The following PABPC4 variants were observed in gnomAD, a reference collection of about 807,000 sequenced individuals.
The protein encoded by PABPC4 is polyadenylate-binding protein 4.
PABPC4 carries 15 observed loss-of-function variants against 74.5 expected under a neutral mutation model. The observed-to-expected ratio is 0.20, with a 90% CI of 0.13 to 0.31. PABPC4 has a LOEUF of 0.31. PABPC4 is among the 10% of genes least tolerant of loss of function. The pLI, the probability that PABPC4 is intolerant of heterozygous loss-of-function variation, is 1.00. For missense variants in PABPC4, 610 were observed against 853.5 expected, an observed-to-expected ratio of 0.71 and a Z score of 3.55; for synonymous variants, 345 against 303.0, an observed-to-expected ratio of 1.14 and a Z score of -1.44.
At chr1:39,561,845 G>T in intron 14 of PABPC4, 58 bp from the exon 15 acceptor site, 2 of 1,472,638 alleles carry the variant, frequency 1.4e-6, no homozygotes, top group Non-Finnish European at 9.5e-7. Context: ...CCCCTCCCCA[G>T]TGCCCAGACC....
chr1:39,569,524 G>A (rs1557717869), intron 5 of PABPC4, 71 bp downstream of exon 5: 3 of 1,051,222 alleles, frequency 2.9e-6, no homozygotes, highest in South Asian at 2.5e-5. Context: ...CTAGGTAGGT[G>A]CTAGCAAGAC....
rs1645795157 is a variant in PABPC4, at chr1:39,563,703, C to T, written c.1579G>A (p.Ala527Thr). 6.2e-7 allele frequency: 1 copy of T among 1,614,148 alleles called. No homozygotes were observed. The highest frequency in any genetic ancestry group is 8.5e-7 in the Non-Finnish European group (1 of 1,180,048). ...GCCCGGGGAGCAGCAGCAGCAACAG[C>T]AGCGCGTGGCGCTAAGTTCTGCACA... Reference protein sequence around the residue: ...TAVQNLAPRAAVAAAAPRAVA... With the variant: ...TAVQNLAPRATVAAAAPRAVA... The change falls in exon 12 of 16, where the codon GCT becomes ACT. Residue 527 changes from alanine to threonine, a missense_variant. This residue lies in a region of PABPC4 where 277 missense variants were observed against 301.8 expected (regional missense o/e 0.92). Coordinates refer to ENST00000372858, the MANE Select transcript of PABPC4 (RefSeq NM_001135653.2).
At chr1:39,574,038 C>T (rs1448781448) in intron 1 of PABPC4, among the ~76,000 whole-genome samples, 1 of 152,164 alleles carries the variant, frequency 6.6e-6, no homozygotes, top group Non-Finnish European at 1.5e-5. Flanking sequence ...TGCCTCAGGA[C>T]AACATCTCAC....
intron 7 of PABPC4, among the ~76,000 whole-genome samples, chr1:39,565,834 A>AAAACG (rs1216156315): frequency 7.0e-6 from 1 of 142,964 alleles, no homozygotes; most frequent in African/African-American, 2.8e-5. Context: ...TCTCCAAAAC[A>AAAACG]AAACAAAACA....
rs928463889 is a variant in PABPC4 at position 39,572,335 on chromosome 1, T to C, written c.387+58A>G. The stretch of plus-strand genomic sequence containing the variant: ...CCAAGATAGTTCTCTGTTTGGTATT[T>C]ATCTTGTTTTCAAGAATCAATTAAT... On this transcript the variant is annotated intron_variant, in intron 2 of 15. Transcript: ENST00000372858. The C allele has an allele frequency of 3.0e-5, 38 of 1,274,676 alleles. No homozygotes were observed. In the Admixed American group the frequency reaches 7.0e-4, roughly 24 times the overall value. 79.0% of individuals were successfully genotyped at this position (1,274,676 alleles called of 1,614,324 possible).
At chr1:39,575,465 G>C (rs929934564) in intron 1 of PABPC4, among the ~76,000 whole-genome samples, 1 of 152,292 alleles carries the variant, frequency 6.6e-6, no homozygotes, top group African/African-American at 2.4e-5. Context: ...CACACGCAGT[G>C]GAATGCCAGT....
At chr1:39,568,773 A>C (rs557169665) in intron 6 of PABPC4, 29 bp downstream of exon 6, 78 of 1,602,142 alleles carry the variant, frequency 4.9e-5, no homozygotes, top group Non-Finnish European at 6.5e-5. Flanking sequence ...AGCAAATCCC[A>C]TTGCTAGGCT....
chr1:39,562,344 G>C lies in PABPC4; in HGVS notation c.1741C>G (p.Gln581Glu), dbSNP rs1645778420. The C allele has an allele frequency of 1.2e-6, 2 of 1,611,676 alleles. No individual in the cohort carries two copies. The highest frequency in any genetic ancestry group is 2.2e-5 in the South Asian group (2 of 90,968). Residue 581 changes from glutamine (Q) to glutamate (E), a missense_variant, in exon 13 of 16, where the codon CAG becomes GAG. By Grantham distance (29) the Gln-to-Glu change is conservative. Transcript: ENST00000372858. Reference sequence around the variant, plus strand: ...TCACCCAGCATCTGCTTCTGTTCCTGGGGGGGTGCTGCAGCCAGCATGGAG... The same window carrying C: ...TCACCCAGCATCTGCTTCTGTTCCTCGGGGGGTGCTGCAGCCAGCATGGAG... ...TASMLAAAPPQEQKQMLGERL... is the reference protein window; with the variant it reads ...TASMLAAAPPEEQKQMLGERL...
chr1:39,574,548 A>G (rs1441353720), intron 1 of PABPC4, among the ~76,000 whole-genome samples: 3 of 152,220 alleles, frequency 2.0e-5, no homozygotes, highest in Non-Finnish European at 4.4e-5. Flanking sequence ...TATCCCTTAA[A>G]AAGACCACAC....
chr1:39,565,036 T>C, intron 8 of PABPC4, 70 bp downstream of exon 8: 2 of 1,525,456 alleles, frequency 1.3e-6, no homozygotes, highest in South Asian at 2.3e-5. Context: ...GAAAAATCCC[T>C]CTCCCCAACC....
At chr1:39,573,115 T>C (rs1483787195) in intron 1 of PABPC4, 1 of 151,890 alleles carries the variant, frequency 6.6e-6, no homozygotes, top group African/African-American at 2.4e-5. Context: ...AGTCATTTAG[T>C]CTGCAATCCA....
chr1:39,566,214 T>C (rs1234169504), intron 7 of PABPC4, among the ~76,000 whole-genome samples: 1 of 152,184 alleles, frequency 6.6e-6, no homozygotes. Context: ...ACTGAGCAAT[T>C]TATTTTCATA....
chr1:39,561,556 TA>T, intron 15 of PABPC4, 128 bp downstream of exon 15: 2 of 662,122 alleles, frequency 3.0e-6, no homozygotes, highest in Admixed American at 5.6e-5. Flanking sequence ...ACACTCCGTG[TA>T]ACTAACTGTA....
Position 39,569,075 on chromosome 1 carries a change from A to G in PABPC4, c.739-136T>C, listed in dbSNP as rs568762107. On this transcript the variant is annotated intron_variant, in intron 5 of 15. Transcript: ENST00000372858. ...ACTCCACCTCTGAAGTCTGTCACAC[A>G]AATCCAAACTTCCTCATCTGTAAAG... 1.9e-4 allele frequency: 164 copies of G among 859,304 alleles called. 2 individuals are homozygous for G. The African/African-American group carries it at 2.4e-3, about 12-fold the overall frequency. 53.2% of individuals were successfully genotyped at this position (859,304 alleles called of 1,614,324 possible). A position where few individuals can be genotyped will look rare whatever the true frequency, so the allele number is the denominator to read the frequency against.
intron 2 of PABPC4, 91 bp from the exon 3 acceptor site, chr1:39,571,440 G>T: frequency 6.7e-7 from 1 of 1,488,434 alleles, no homozygotes. Context: ...GGAGACTCTA[G>T]CCCATCCATG....
chr1:39,562,295 T>C, intron 13 of PABPC4, 28 bp downstream of exon 13: 1 of 1,612,516 alleles, frequency 6.2e-7, no homozygotes, highest in Non-Finnish European at 8.5e-7. Flanking sequence ...TGGGACCCTC[T>C]TCTTCTGCAA....
intron 1 of PABPC4, chr1:39,572,968 C>G (rs562728718): frequency 1.1e-5 from 2 of 175,028 alleles, no homozygotes; most frequent in Non-Finnish European, 2.4e-5. Context: ...TCAGGTGGGA[C>G]AGCTGAAATT....
At position 39,561,677 on chromosome 1, in the gene PABPC4, A is replaced by G. The variant is rs1645771974; in HGVS notation, c.*13+8T>C. On this transcript the variant is annotated splice_region_variant and intron_variant, in intron 15 of 15. Coordinates refer to ENST00000372858, the MANE Select transcript of PABPC4 (RefSeq NM_001135653.2). ...CATAGGAACAAAAATGAAAATAGCC[A>G]CACATACGGTTTTTCCTTGTCTAAG... 1 of 1,591,718 alleles carries G rather than the reference A, an allele frequency of 6.3e-7. No individual in the cohort carries two copies. The highest frequency in any genetic ancestry group is 1.3e-5 in the African/African-American group (1 of 74,404).
At chr1:39,567,148 A>C (rs933303083) in intron 7 of PABPC4, among the ~76,000 whole-genome samples, 4 of 152,192 alleles carry the variant, frequency 2.6e-5, no homozygotes, top group Non-Finnish European at 4.4e-5. Context: ...ATCCCCATGT[A>C]GTCAGCATTC....
Sources: allele counts gnomAD v4.1 joint callset (sites outside exome capture counted in the v4.1 genomes callset), GRCh38; gene constraint gnomAD v4.1.1; regional missense constraint gnomAD v4.1.1; transcripts MANE v1.5; gene names NCBI Gene and HGNC (gene_info 2026-07-23, HGNC 2026-07-21).